CFAP36: variants seen among roughly 807,000 people sequenced by gnomAD.
CFAP36 encodes the protein cilia and flagella associated protein 36.
Under a neutral mutation model 50.5 loss-of-function variants are expected in CFAP36, and 37 were observed. The ratio of observed to expected loss-of-function variants is 0.73; its 90% CI spans 0.56 to 0.96. CFAP36 has a LOEUF of 0.96. Ranked by LOEUF, CFAP36 falls within the 50% of genes least tolerant of loss-of-function variation. The pLI is 0.00. For synonymous variants in CFAP36, 138 were observed against 128.2 expected, an observed-to-expected ratio of 1.08 and a Z score of -0.52; for missense variants, 407 against 396.2, an observed-to-expected ratio of 1.03 and a Z score of -0.23.
At chr2:55,527,040 AAT>A (rs1381498276) in intron 3 of CFAP36, among the ~76,000 whole-genome samples, 1 of 150,336 alleles carries the variant, frequency 6.7e-6, no homozygotes, top group African/African-American at 2.5e-5. Context: ...AAATAATAAT[AAT>A]AATAAAATAA....
intron 7 of CFAP36, chr2:55,539,374 G>C (rs868662811): frequency 3.3e-5 from 5 of 152,152 alleles, no homozygotes; most frequent in African/African-American, 9.7e-5. Context: ...ACAGTAGTAC[G>C]TAGCCTTTTC....
At chr2:55,535,788 G>C in intron 6 of CFAP36, 25 bp downstream of exon 6, 1 of 1,544,270 alleles carries the variant, frequency 6.5e-7, no homozygotes, top group Non-Finnish European at 8.7e-7. Flanking sequence ...TATAACAGAA[G>C]TATTTTATTG....
At chr2:55,537,352 C>A in intron 6 of CFAP36, 131 bp from the exon 7 acceptor site, 1 of 585,688 alleles carries the variant, frequency 1.7e-6, no homozygotes. Context: ...GTCTGGGTGA[C>A]AGAGTGAGAC....
intron 4 of CFAP36, among the ~76,000 whole-genome samples, chr2:55,533,423 G>C (rs1265617533): frequency 1.3e-5 from 2 of 152,058 alleles, no homozygotes; most frequent in African/African-American, 2.4e-5. Flanking sequence ...GTTAAAAATG[G>C]CCGGGAATGG....
intron 4 of CFAP36, among the ~76,000 whole-genome samples, chr2:55,532,012 G>A (rs1684363609): frequency 6.6e-6 from 1 of 152,168 alleles, no homozygotes; most frequent in African/African-American, 2.4e-5. Context: ...TTCTGCTACA[G>A]AATTTCTAAT....
chr2:55,520,505 C>CA, intron 1 of CFAP36: 1 of 1,517,436 alleles, frequency 6.6e-7, no homozygotes, highest in Non-Finnish European at 8.8e-7. Flanking sequence ...TTCGCTATAC[C>CA]AAAAATTGGC....
Position 55,519,743 on chromosome 2 carries a change from C to A in CFAP36, c.-59C>A. 6.4e-7 allele frequency: 1 copy of A among 1,568,420 alleles called. No individual in the cohort carries two copies. Among genetic ancestry groups the A allele is most frequent in the Non-Finnish European group, 8.8e-7 (1 of 1,139,612 alleles). On this transcript the variant is annotated 5_prime_UTR_variant, in exon 1 of 10. Transcript: ENST00000349456. ...CTCTCGGCTCCTTGTGGCCCAAAGGCCTAACCGGGGTCCGGCGGTCTGGCC... is the reference window on the plus strand; with the variant it reads ...CTCTCGGCTCCTTGTGGCCCAAAGGACTAACCGGGGTCCGGCGGTCTGGCC...
Position 55,523,087 on chromosome 2 carries a change from G to GACTCTGTCTC in CFAP36, c.181-632_181-623dup. ...TACTCCAGTCTGGACAACAGAGTAA[G>GACTCTGTCTC]ACTCTGTCTCAAAAAAAAAAAAAAG... On this transcript the variant is annotated intron_variant, in intron 2 of 9. Transcript: ENST00000349456. 3.1e-5 allele frequency among the ~76,000 whole-genome samples: 4 copies of GACTCTGTCTC among 130,240 alleles called. No homozygotes were observed. The Middle Eastern group carries it at 0.016, about 509-fold the overall frequency. 85.4% of individuals were successfully genotyped at this position (130,240 alleles called of 152,430 possible). A position where few individuals can be genotyped will look rare whatever the true frequency, so the allele number is the denominator to read the frequency against.
chr2:55,532,629 A>G lies in CFAP36; in HGVS notation c.398-1244A>G, dbSNP rs185099597. Among the ~76,000 whole-genome samples the G allele has an allele frequency of 3.3e-5, 5 of 152,326 alleles. 1 individual carries two copies. The highest frequency in any genetic ancestry group is 3.3e-4 in the Admixed American group (5 of 15,308). ...GTTACCACTTGGGGAAGCTGGGTAA[A>G]GAGTATATAGCAGATTTCTGCATTA... On this transcript the variant is annotated intron_variant, in intron 4 of 9. Coordinates refer to ENST00000349456, the MANE Select transcript of CFAP36 (RefSeq NM_080667.7).
chr2:55,538,656 G>T (rs1325571110), intron 7 of CFAP36: 1 of 805,692 alleles, frequency 1.2e-6, no homozygotes, highest in Non-Finnish European at 1.9e-6. Flanking sequence ...TGCCCAGGCT[G>T]GGTCTCAAAC....
intron 1 of CFAP36, 28 bp from the exon 2 acceptor site, chr2:55,522,074 A>C: frequency 8.6e-7 from 1 of 1,164,100 alleles, no homozygotes; most frequent in Non-Finnish European, 1.3e-6. Flanking sequence ...TGGTTTTTAC[A>C]CTATGTAATA....
At chr2:55,521,421 A>G (rs1217460132) in intron 1 of CFAP36, among the ~76,000 whole-genome samples, 1 of 152,152 alleles carries the variant, frequency 6.6e-6, no homozygotes, top group Non-Finnish European at 1.5e-5. Context: ...ATAAAATAAT[A>G]TGGAACCTAT....
Position 55,527,779 on chromosome 2 carries a change from G to A in CFAP36, c.283-1099G>A, listed in dbSNP as rs182746310. 7.2e-5 allele frequency among the ~76,000 whole-genome samples: 11 copies of A among 152,072 alleles called. 1 individual carries two copies. Among genetic ancestry groups the A allele is most frequent in the African/African-American group, 2.7e-4 (11 of 41,498 alleles). On this transcript the variant is annotated intron_variant, in intron 3 of 9. Coordinates refer to ENST00000349456, the MANE Select transcript of CFAP36 (RefSeq NM_080667.7). ...TTTAAAAGAAGAGAGATCATACAGTGTCTGCTCTCAGACCACAACATAATT... is the reference window on the plus strand; with the variant it reads ...TTTAAAAGAAGAGAGATCATACAGTATCTGCTCTCAGACCACAACATAATT...
At chr2:55,524,810 C>T (rs112148179) in intron 3 of CFAP36, among the ~76,000 whole-genome samples, 13,640 of 151,788 alleles carry the variant, frequency 0.09, 736 homozygotes, top group South Asian at 0.14. Context: ...GGAGAAACCC[C>T]GTCTCTACTA....
chr2:55,535,500 A>C (rs745630170), intron 5 of CFAP36, among the ~76,000 whole-genome samples: 1 of 152,140 alleles, frequency 6.6e-6, no homozygotes, highest in Non-Finnish European at 1.5e-5. Flanking sequence ...GTAGACCTGT[A>C]TTTTGTGTTA....
chr2:55,533,791 G>A (rs1684412161), intron 4 of CFAP36, 82 bp from the exon 5 acceptor site: 3 of 685,490 alleles, frequency 4.4e-6, no homozygotes, highest in Non-Finnish European at 7.3e-6. Context: ...AAGGTAACTT[G>A]TACTTAAGGA....
chr2:55,521,183 T>C (rs73940017), intron 1 of CFAP36, among the ~76,000 whole-genome samples: 6,430 of 150,886 alleles, frequency 0.043, 172 homozygotes, highest in South Asian at 0.077. Context: ...AAAAACAAAA[T>C]AACTTGTATT....
chr2:55,533,736 A>T (rs911962362), intron 4 of CFAP36, 137 bp from the exon 5 acceptor site: 8 of 313,256 alleles, frequency 2.6e-5, no homozygotes, highest in Admixed American at 4.9e-5. Flanking sequence ...ATAAAAGATG[A>T]TAGTTAAAAA....
intron 1 of CFAP36, chr2:55,520,419 G>T (rs1684031453): frequency 3.9e-6 from 6 of 1,547,656 alleles, no homozygotes; most frequent in African/African-American, 1.4e-5. Flanking sequence ...CTGCAAAGGA[G>T]GGCATGTGAT....
Sources: gnomAD v4.1 joint callset for allele counts (sites outside exome capture counted in the v4.1 genomes callset) on GRCh38, gnomAD v4.1.1 for gene constraint, MANE v1.5 for transcripts, NCBI Gene and HGNC (gene_info 2026-07-23, HGNC 2026-07-21) for gene names.